The following PACRG variants were observed in gnomAD, a reference collection of about 807,000 sequenced individuals.
PACRG encodes parkin coregulated gene protein.
PACRG carries 29 observed loss-of-function variants against 29.7 expected under a neutral mutation model. The observed-to-expected ratio is 0.98, with a 90% CI of 0.73 to 1.33. PACRG has a LOEUF of 1.33. Among genes scored for constraint, PACRG ranks in the 40% most tolerant of loss-of-function variants. PACRG has a pLI of 0.00. For missense variants in PACRG, 279 were observed against 316.2 expected (o/e 0.88, Z 0.89); for synonymous variants, 116 against 118.7 (o/e 0.98, Z 0.15).
intron 4 of PACRG, among the ~76,000 whole-genome samples, chr6:163,243,816 G>T (rs1208682117): frequency 6.6e-6 from 1 of 152,162 alleles, no homozygotes; most frequent in Non-Finnish European, 1.5e-5. Flanking sequence ...CAACAGAAGA[G>T]ATTTCACCTG....
At chr6:162,817,720 A>G (rs1787481478) in intron 2 of PACRG, among the ~76,000 whole-genome samples, 2 of 152,202 alleles carry the variant, frequency 1.3e-5, no homozygotes, top group Admixed American at 1.3e-4. Flanking sequence ...CCATGCAGCT[A>G]CAGATTAAGA....
rs941922198 is a variant in PACRG, at chr6:162,955,948, G to A, written c.292-106202G>A. ...GGACAGCTGGGCTCCATTGGCAGGT[G>A]GGAGCAGCCTGGCGACATGGTGGTG... is the stretch of plus-strand genomic sequence containing the variant. On this transcript the variant is annotated intron_variant, in intron 2 of 4. Coordinates refer to ENST00000366888, the MANE Select transcript of PACRG (RefSeq NM_001080379.2). Among the ~76,000 whole-genome samples, 22 of 152,256 alleles carry A rather than the reference G, an allele frequency of 1.4e-4. No individual in the cohort carries two copies. In the East Asian group the frequency reaches 1.5e-3, roughly 11 times the overall value.
intron 1 of PACRG, among the ~76,000 whole-genome samples, chr6:162,730,108 G>A (rs544876112): frequency 6.7e-6 from 1 of 149,760 alleles, no homozygotes; most frequent in South Asian, 2.1e-4. Flanking sequence ...CACAGTTCTG[G>A]GGATTTGGGA....
chr6:162,922,850 G>T (rs2128096236), intron 2 of PACRG, among the ~76,000 whole-genome samples: 1 of 152,238 alleles, frequency 6.6e-6, no homozygotes, highest in Middle Eastern at 3.4e-3. Flanking sequence ...TGGCTACTGT[G>T]AATATGCTGC....
chr6:162,831,236 C>A (rs1788746969), intron 2 of PACRG, among the ~76,000 whole-genome samples: 1 of 152,148 alleles, frequency 6.6e-6, no homozygotes, highest in Admixed American at 6.5e-5. Flanking sequence ...ACCACTTATT[C>A]ATTCTAAGAT....
intron 4 of PACRG, chr6:163,101,211 T>C: frequency 1.0e-6 from 1 of 982,774 alleles, no homozygotes; most frequent in South Asian, 4.7e-5. Context: ...AAAGTATCTT[T>C]GTCACAAACT....
At chr6:163,116,698 G>A (rs763218243) in intron 4 of PACRG, among the ~76,000 whole-genome samples, 1 of 152,164 alleles carries the variant, frequency 6.6e-6, no homozygotes, top group Non-Finnish European at 1.5e-5. Flanking sequence ...CCATTCTCAA[G>A]GGTTTGCACC....
chr6:162,821,942 G>A (rs530453534), intron 2 of PACRG, among the ~76,000 whole-genome samples: 1 of 152,304 alleles, frequency 6.6e-6, no homozygotes, highest in South Asian at 2.1e-4. Context: ...TTTGTTTGAT[G>A]TTTTCCTTTG....
intron 2 of PACRG, among the ~76,000 whole-genome samples, chr6:162,953,110 G>T (rs1799774199): frequency 6.6e-6 from 1 of 152,058 alleles, no homozygotes; most frequent in Non-Finnish European, 1.5e-5. Flanking sequence ...AGGGGAGTGT[G>T]TTGCTTTAAT....
intron 1 of PACRG, among the ~76,000 whole-genome samples, chr6:162,783,460 G>C (rs1392818433): frequency 6.6e-6 from 1 of 151,712 alleles, no homozygotes; most frequent in African/African-American, 2.4e-5. Flanking sequence ...ATATGCTACT[G>C]GCAAAATGAA....
chr6:162,756,995 A>G (rs993131764), intron 1 of PACRG, among the ~76,000 whole-genome samples: 2 of 151,952 alleles, frequency 1.3e-5, no homozygotes, highest in African/African-American at 4.8e-5. Context: ...TGGACTCACG[A>G]TTCTGTTCTA....
Position 162,943,165 on chromosome 6 carries a change from G to A in PACRG, c.292-118985G>A, listed in dbSNP as rs552093157. On this transcript the variant is annotated intron_variant, in intron 2 of 4. Transcript: ENST00000366888. ...CATTGCTCGAGAGAAGCTCATGCTG[G>A]CTCCCACACACACCCTTATGTCTTA... 7.2e-5 allele frequency among the ~76,000 whole-genome samples: 11 copies of A among 152,272 alleles called. No homozygotes were observed. The South Asian group carries it at 2.3e-3, about 32-fold the overall frequency.
chr6:163,139,510 T>TAG (rs1817069949), intron 4 of PACRG, among the ~76,000 whole-genome samples: 2 of 152,214 alleles, frequency 1.3e-5, no homozygotes, highest in African/African-American at 4.8e-5. Context: ...GTCTAATGGG[T>TAG]ATCTGTTTCA....
At position 162,994,343 on chromosome 6, in the gene PACRG, A is replaced by G. The variant is rs997869663; in HGVS notation, c.292-67807A>G. On this transcript the variant is annotated intron_variant, in intron 2 of 4. Coordinates refer to ENST00000366888, the MANE Select transcript of PACRG (RefSeq NM_001080379.2). ...ATAATATCCTGTAGAGTGTTTTCCA[A>G]CTTGGTTCCATTCTCCGCATCACTT... Among the ~76,000 whole-genome samples, 4 of 150,576 alleles carry G rather than the reference A, an allele frequency of 2.7e-5. No homozygotes were observed. The East Asian group carries it at 5.8e-4, about 22-fold the overall frequency.
At chr6:163,123,492 G>C (rs376628110) in intron 4 of PACRG, among the ~76,000 whole-genome samples, 4 of 152,228 alleles carry the variant, frequency 2.6e-5, no homozygotes, top group African/African-American at 9.6e-5. Context: ...CTTTCTAGCT[G>C]CCTAAAAATT....
intron 2 of PACRG, among the ~76,000 whole-genome samples, chr6:162,946,199 C>G (rs886649389): frequency 1.8e-4 from 27 of 151,092 alleles, no homozygotes; most frequent in Admixed American, 4.0e-4. Flanking sequence ...AAAGGATCAT[C>G]AAAACATTGT....
chr6:163,101,506 G>A, intron 4 of PACRG: 1 of 769,478 alleles, frequency 1.3e-6, no homozygotes, highest in South Asian at 5.9e-5. Context: ...AGCATATTTT[G>A]TCCTTCCAAA....
At chr6:162,785,197 A>ATT (rs1217700091) in intron 1 of PACRG, among the ~76,000 whole-genome samples, 1 of 150,628 alleles carries the variant, frequency 6.6e-6, no homozygotes, top group Non-Finnish European at 1.5e-5. Context: ...AGAGAGAGAG[A>ATT]GAGAGGGAGA....
intron 2 of PACRG, among the ~76,000 whole-genome samples, chr6:163,009,832 A>T (rs1191021249): frequency 6.6e-6 from 1 of 152,228 alleles, no homozygotes; most frequent in East Asian, 1.9e-4. Context: ...AACACTTTAA[A>T]TATAAGCTTT....
Sources: allele counts gnomAD v4.1 joint callset (sites outside exome capture counted in the v4.1 genomes callset), GRCh38; gene constraint gnomAD v4.1.1; transcripts MANE v1.5; gene names NCBI Gene and HGNC (gene_info 2026-07-23, HGNC 2026-07-21).